The following CAMK1 variants were observed in gnomAD, a reference collection of about 807,000 sequenced individuals.
CAMK1 encodes the protein calcium/calmodulin dependent protein kinase I, also known as calcium/calmodulin-dependent protein kinase type 1.
Under a neutral mutation model 49.1 loss-of-function variants are expected in CAMK1, and 39 were observed. That is an observed-to-expected ratio of 0.79 (90% CI 0.62 to 1.04). The LOEUF is 1.04. CAMK1 is among the 50% of genes least tolerant of loss of function. The pLI is 0.00. For synonymous variants in CAMK1, 192 were observed against 185.2 expected (o/e 1.04, Z -0.30); for missense variants, 457 against 472.2 (o/e 0.97, Z 0.30).
chr3:9,758,103 A>G, intron 10 of CAMK1: 1 of 443,496 alleles, frequency 2.3e-6, no homozygotes, highest in Non-Finnish European at 3.9e-6. Flanking sequence ...TTAATATGTA[A>G]TAGCAAACAC....
rs188672077 is a variant in CAMK1, at chr3:9,761,621, C to A, written c.556+10G>T. The stretch of plus-strand genomic sequence containing the variant: ...CCACCATCACAGCCCCAGCCCAGGG[C>A]CCTCCGCACCCACGTATCCCGGAGT... On this transcript the variant is annotated intron_variant, in intron 6 of 11. Coordinates refer to ENST00000256460, the MANE Select transcript of CAMK1 (RefSeq NM_003656.5). 1.9e-6 allele frequency: 3 copies of A among 1,614,144 alleles called. No homozygotes were observed. The highest frequency in any genetic ancestry group is 2.5e-6 in the Non-Finnish European group (3 of 1,179,994).
intron 3 of CAMK1, among the ~76,000 whole-genome samples, chr3:9,764,632 T>TG (rs2078061453): frequency 6.8e-6 from 1 of 147,134 alleles, no homozygotes; most frequent in African/African-American, 2.5e-5. Flanking sequence ...TTTTTTGTTT[T>TG]TTTTTTTTTT....
In CAMK1 at chr3:9,767,712, G is replaced by T. The variant is rs920145784; in HGVS notation, c.38C>A (p.Ala13Glu). ...GAVEGPRWKQ[A>E]EDIRDIYDFR... ...GTCGTAGATGTCTCTAATGTCCTCC[G>T]CCTGCTTCCACCTGGGGCCTTCCAC... The change falls in exon 2 of 12, where the codon GCG becomes GAG. Residue 13 changes from alanine to glutamate, a missense_variant. Ala to Glu is a moderately radical substitution (Grantham distance 107). Transcript: ENST00000256460. 6.2e-6 allele frequency: 10 copies of T among 1,614,094 alleles called. No individual in the cohort carries two copies. The highest frequency in any genetic ancestry group is 5.9e-6 in the Non-Finnish European group (7 of 1,180,012).
chr3:9,762,441 A>G lies in CAMK1; in HGVS notation c.429+473T>C, dbSNP rs143229548. 585 of 157,406 alleles carry G rather than the reference A, an allele frequency of 3.7e-3. 3 individuals carry two copies. Among genetic ancestry groups the G allele is most frequent in the African/African-American group, 0.014 (565 of 41,566 alleles). 9.8% of individuals were successfully genotyped at this position (157,406 alleles called of 1,614,324 possible). A position where few individuals can be genotyped will look rare whatever the true frequency, so the allele number is the denominator to read the frequency against. On this transcript the variant is annotated intron_variant, in intron 5 of 11. Coordinates refer to ENST00000256460, the MANE Select transcript of CAMK1 (RefSeq NM_003656.5). ...GCCCAGGCTGGCGTGCAATGGCACAATCTCAGCTTGCTGCAACCTCTGCCT... is the reference window on the plus strand; with the variant it reads ...GCCCAGGCTGGCGTGCAATGGCACAGTCTCAGCTTGCTGCAACCTCTGCCT...
At chr3:9,766,152 G>A (rs1359635142) in intron 2 of CAMK1, 2 of 981,146 alleles carry the variant, frequency 2.0e-6, no homozygotes, top group Admixed American at 2.0e-5. Context: ...GTCTCCTGTT[G>A]AGCTGGTAGG....
chr3:9,760,804 C>T (rs955867139), intron 7 of CAMK1, 36 bp from the exon 8 acceptor site: 27 of 1,612,580 alleles, frequency 1.7e-5, no homozygotes, highest in East Asian at 2.2e-5. Context: ...TTTCCACTTT[C>T]GGGTGCCGTT....
chr3:9,765,960 C>T, intron 2 of CAMK1, 70 bp from the exon 3 acceptor site: 2 of 1,614,202 alleles, frequency 1.2e-6, no homozygotes, highest in Middle Eastern at 3.3e-4. Context: ...TCCTCCATTC[C>T]CTATGGGTTC....
chr3:9,762,959 A>G lies in CAMK1; in HGVS notation c.384T>C (p.Ala128=). The change falls in exon 5 of 12, where the codon GCT becomes GCC. Residue 128 remains alanine (A), a synonymous_variant. Coordinates refer to ENST00000256460, the MANE Select transcript of CAMK1 (RefSeq NM_003656.5). The part of the protein sequence containing the change: ...ASRLIFQVLD[A]VKYLHDLGIV... ...TGCCCAGGTCATGCAGGTATTTCACAGCATCCAGCACCTGGAAGATGAGGC... is the reference window on the plus strand; with the variant it reads ...TGCCCAGGTCATGCAGGTATTTCACGGCATCCAGCACCTGGAAGATGAGGC... 1.9e-6 allele frequency: 3 copies of G among 1,614,134 alleles called. No homozygotes were observed. Among genetic ancestry groups the G allele is most frequent in the Non-Finnish European group, 2.5e-6 (3 of 1,180,042 alleles).
At chr3:9,763,802 A>G (rs902302726) in intron 3 of CAMK1, among the ~76,000 whole-genome samples, 1 of 152,162 alleles carries the variant, frequency 6.6e-6, no homozygotes, top group Non-Finnish European at 1.5e-5. Context: ...CCTGGCCAAC[A>G]TGGCGAAAAC....
At position 9,757,691 on chromosome 3, in the gene CAMK1, T is replaced by C; in HGVS notation, c.1030+38A>G. 4 of 1,614,036 alleles carry C rather than the reference T, an allele frequency of 2.5e-6. No individual in the cohort carries two copies. Among genetic ancestry groups the C allele is most frequent in the Non-Finnish European group, 2.5e-6 (3 of 1,179,988 alleles). The stretch of plus-strand genomic sequence containing the variant: ...CCACTCCAGCCCGGGTGCACCTTTG[T>C]GGACCACCCATGCCCTTCTGCAGAG... On this transcript the variant is annotated intron_variant, in intron 11 of 11. Coordinates refer to ENST00000256460, the MANE Select transcript of CAMK1 (RefSeq NM_003656.5). The surrounding 1 kb of genome is among the most constrained non-coding windows in gnomAD (Gnocchi z 4.5).
intron 8 of CAMK1, 118 bp downstream of exon 8, chr3:9,760,538 C>T (rs541854241): frequency 5.0e-6 from 5 of 998,604 alleles, no homozygotes; most frequent in African/African-American, 1.6e-5. Context: ...TCGAAGACAG[C>T]TCTTTGTGTG....
At chr3:9,763,547 C>T (rs1472650872) in intron 3 of CAMK1, among the ~76,000 whole-genome samples, 1 of 152,150 alleles carries the variant, frequency 6.6e-6, no homozygotes, top group Non-Finnish European at 1.5e-5. Flanking sequence ...GGTTTATTAC[C>T]ATTTTTTGGA....
chr3:9,761,597 C>A lies in CAMK1; in HGVS notation c.556+34G>T, dbSNP rs746247676. On this transcript the variant is annotated intron_variant, in intron 6 of 11. Coordinates refer to ENST00000256460, the MANE Select transcript of CAMK1 (RefSeq NM_003656.5). ...CTGCCCTTCAACTCCTGGTTCCCCC[C>A]ACCATCACAGCCCCAGCCCAGGGCC... 26 of 1,613,756 alleles carry A rather than the reference C, an allele frequency of 1.6e-5. No homozygotes were observed. The South Asian group carries it at 1.9e-4, about 12-fold the overall frequency.
intron 7 of CAMK1, 168 bp from the exon 8 acceptor site, chr3:9,760,936 C>T (rs1575230431): frequency 9.5e-7 from 1 of 1,048,192 alleles, no homozygotes; most frequent in East Asian, 2.7e-5. Flanking sequence ...ATTATCCTTT[C>T]TGTTCCTTGT....
At chr3:9,759,387 G>A in intron 10 of CAMK1, 101 bp downstream of exon 10, 10 of 1,565,530 alleles carry the variant, frequency 6.4e-6, no homozygotes, top group Non-Finnish European at 8.8e-6. Flanking sequence ...AGCAGTTACT[G>A]TGTGCCCAGT....
At chr3:9,758,431 C>G (rs973410217) in intron 10 of CAMK1, 3 of 154,452 alleles carry the variant, frequency 1.9e-5, no homozygotes, top group Admixed American at 1.9e-4. Flanking sequence ...CCCTTGACAT[C>G]TCTTTCCCCC....
chr3:9,763,403 CAAA>C (rs571944870), intron 3 of CAMK1, 190 bp from the exon 4 acceptor site: 58 of 76,122 alleles, frequency 7.6e-4, no homozygotes, highest in Non-Finnish European at 1.4e-3. Context: ...GACCCTGTCT[CAAA>C]AAAAAAAAAA....
At chr3:9,767,872 T>C (rs1265472381) in intron 1 of CAMK1, 91 bp from the exon 2 acceptor site, 2 of 1,451,132 alleles carry the variant, frequency 1.4e-6, no homozygotes, top group South Asian at 1.4e-5. Context: ...TCAACCTGCA[T>C]TTATTCATCC....
intron 1 of CAMK1, 67 bp from the exon 2 acceptor site, chr3:9,767,848 C>A: frequency 6.5e-7 from 1 of 1,534,390 alleles, no homozygotes; most frequent in Non-Finnish European, 8.8e-7. Flanking sequence ...TTACTGCAGG[C>A]CCCATTCAGT....
Sources: allele counts gnomAD v4.1 joint callset (sites outside exome capture counted in the v4.1 genomes callset), GRCh38; gene constraint gnomAD v4.1.1; non-coding constraint Gnocchi (gnomAD v3.1); transcripts MANE v1.5; gene names NCBI Gene and HGNC (gene_info 2026-07-23, HGNC 2026-07-21).